Variants in LINGO2 observed in about 807,000 individuals in gnomAD.
The protein encoded by LINGO2 is leucine-rich repeat and immunoglobulin-like domain-containing nogo receptor-interacting protein 2.
Under a neutral mutation model 30.6 loss-of-function variants are expected in LINGO2, and 14 were observed. The ratio of observed to expected loss-of-function variants is 0.46; its 90% CI spans 0.30 to 0.72. LINGO2 has a LOEUF of 0.72. Ranked by LOEUF, LINGO2 falls within the 30% of genes least tolerant of loss-of-function variation. LINGO2 has a pLI of 0.07. For missense variants in LINGO2, 729 were observed against 751.7 expected (o/e 0.97, Z 0.35); for synonymous variants, 317 against 288.5 (o/e 1.10, Z -1.00).
chr9:28,634,570 C>T lies in LINGO2; in HGVS notation c.-365+35630G>A, dbSNP rs534733627. The stretch of plus-strand genomic sequence containing the variant: ...GCACAATCTCAGCTCACTGCAACCA[C>T]CGCCTTCCGAGTTCAAGCAATTCTC... On this transcript the variant is annotated intron_variant, in intron 1 of 5. Coordinates refer to ENST00000379992, the Ensembl canonical transcript of LINGO2. Among the ~76,000 whole-genome samples the T allele has an allele frequency of 1.4e-4, 21 of 150,614 alleles. No homozygotes were observed. In the South Asian group the frequency reaches 4.4e-3, roughly 32 times the overall value.
chr9:28,342,267 G>C (rs183567308), intron 3 of LINGO2, among the ~76,000 whole-genome samples: 3 of 152,132 alleles, frequency 2.0e-5, no homozygotes, highest in African/African-American at 7.2e-5. Flanking sequence ...ACTTGTCCTT[G>C]ATCTTTTAGT....
chr9:28,959,612 T>TCTCTCTCACACA, the LINGO2 span, among the ~76,000 whole-genome samples: 169 of 132,208 alleles, frequency 1.3e-3, 2 homozygotes, highest in Admixed American at 3.2e-3. Context: ...TCTCTCTCCC[T>TCTCTCTCACACA]CACACACACA....
chr9:29,012,137 C>T, the LINGO2 span, among the ~76,000 whole-genome samples: 3 of 152,046 alleles, frequency 2.0e-5, no homozygotes, highest in African/African-American at 7.2e-5. Context: ...GCAGGCAGAT[C>T]ACCTGAGGTC....
At chr9:28,369,320 C>T (rs1454706717) in intron 3 of LINGO2, among the ~76,000 whole-genome samples, 2 of 151,980 alleles carry the variant, frequency 1.3e-5, no homozygotes, top group Non-Finnish European at 2.9e-5. Context: ...ATTACTTTGT[C>T]CTTGGGGGGT....
chr9:29,089,039 G>T, the LINGO2 span, among the ~76,000 whole-genome samples: 1 of 151,922 alleles, frequency 6.6e-6, no homozygotes, highest in Non-Finnish European at 1.5e-5. Context: ...TTTATTATTG[G>T]AAGTAGTCTG....
rs560832027 is a variant in LINGO2 at position 28,634,328 on chromosome 9, A to T, written c.-365+35872T>A. ...AGCATTTAAATTTACTATAAGTTGC[A>T]TAAGTTCTCTAGAGGTCCATGCAGA... On this transcript the variant is annotated intron_variant, in intron 1 of 5. Coordinates refer to ENST00000379992, the Ensembl canonical transcript of LINGO2. Among the ~76,000 whole-genome samples the T allele has an allele frequency of 2.6e-5, 4 of 152,210 alleles. No homozygotes were observed. The East Asian group carries it at 7.7e-4, about 29-fold the overall frequency.
intron 2 of LINGO2, among the ~76,000 whole-genome samples, chr9:28,429,047 T>A (rs760098197): frequency 6.6e-6 from 1 of 152,214 alleles, no homozygotes; most frequent in Non-Finnish European, 1.5e-5. Flanking sequence ...TTTACTTACA[T>A]ACTTTTTTGA....
At chr9:28,505,996 C>T (rs1261372299) in intron 1 of LINGO2, among the ~76,000 whole-genome samples, 1 of 151,814 alleles carries the variant, frequency 6.6e-6, no homozygotes, top group African/African-American at 2.4e-5. Flanking sequence ...CTAGGTCCAG[C>T]AACTCAACTT....
intron 5 of LINGO2, among the ~76,000 whole-genome samples, chr9:28,007,303 T>A (rs1218494027): frequency 1.3e-5 from 2 of 151,638 alleles, no homozygotes; most frequent in Non-Finnish European, 2.9e-5. Flanking sequence ...CCCTGGAGAG[T>A]CATTTATAGA....
At chr9:28,389,255 T>C (rs578123372) in intron 2 of LINGO2, among the ~76,000 whole-genome samples, 1 of 152,208 alleles carries the variant, frequency 6.6e-6, no homozygotes, top group Admixed American at 6.5e-5. Context: ...ATTTATAAAA[T>C]TATATATTTT....
At chr9:28,727,176 CTT>C in the LINGO2 span, among the ~76,000 whole-genome samples, 408 of 152,278 alleles carry the variant, frequency 2.7e-3, 2 homozygotes, top group Non-Finnish European at 1.4e-3. Context: ...AAATTAGACT[CTT>C]AACCTTAGTT....
At chr9:28,559,212 C>G (rs1279239110) in intron 1 of LINGO2, among the ~76,000 whole-genome samples, 7 of 152,234 alleles carry the variant, frequency 4.6e-5, no homozygotes, top group Middle Eastern at 6.8e-3. Flanking sequence ...TACTAATACT[C>G]TCCAGAGAGG....
At chr9:29,033,484 A>G in the LINGO2 span, among the ~76,000 whole-genome samples, 1 of 151,374 alleles carries the variant, frequency 6.6e-6, no homozygotes, top group Non-Finnish European at 1.5e-5. Context: ...AAATAGTTTA[A>G]TAATTGTAAA....
At chr9:28,184,067 T>A (rs1342655546) in intron 4 of LINGO2, among the ~76,000 whole-genome samples, 1 of 152,086 alleles carries the variant, frequency 6.6e-6, no homozygotes, top group Non-Finnish European at 1.5e-5. Context: ...TTATTGACCA[T>A]CTTGTTGCTG....
chr9:28,708,494 T>C, the LINGO2 span, among the ~76,000 whole-genome samples: 1 of 152,094 alleles, frequency 6.6e-6, no homozygotes, highest in African/African-American at 2.4e-5. Context: ...TCAAGGCTGA[T>C]CAGTTGACTG....
chr9:28,991,485 C>A, the LINGO2 span, among the ~76,000 whole-genome samples: 2 of 144,154 alleles, frequency 1.4e-5, no homozygotes, highest in Non-Finnish European at 3.1e-5. Context: ...GCAAGGCAGG[C>A]CAATGTTCAG....
the LINGO2 span, among the ~76,000 whole-genome samples, chr9:28,888,267 A>G: frequency 6.6e-6 from 1 of 152,078 alleles, no homozygotes; most frequent in Non-Finnish European, 1.5e-5. Context: ...ATAAAGGATC[A>G]ACCTTATGTG....
intron 4 of LINGO2, among the ~76,000 whole-genome samples, chr9:28,244,211 A>C (rs950563997): frequency 9.2e-5 from 14 of 152,066 alleles, no homozygotes; most frequent in African/African-American, 3.1e-4. Flanking sequence ...TGAACAACCT[A>C]CTCCTGAATG....
rs1387493473 is a variant in LINGO2 at position 28,479,917 on chromosome 9, A to G, written c.-364-3892T>C. On this transcript the variant is annotated intron_variant, in intron 1 of 5. Coordinates refer to ENST00000379992, the Ensembl canonical transcript of LINGO2. Reference sequence around the variant, plus strand: ...TATGTGTATATATACGTAGGTATATATATATATATATATATATATATATAT... The same window carrying G: ...TATGTGTATATATACGTAGGTATATGTATATATATATATATATATATATAT... Among the ~76,000 whole-genome samples the G allele has an allele frequency of 1.6e-3, 83 of 53,408 alleles. 2 individuals carry two copies. Among genetic ancestry groups the G allele is most frequent in the Middle Eastern group, 9.4e-3 (1 of 106 alleles). 35.0% of individuals were successfully genotyped at this position (53,408 alleles called of 152,430 possible).
Sources: gnomAD v4.1 joint callset for allele counts (sites outside exome capture counted in the v4.1 genomes callset) on GRCh38, gnomAD v4.1.1 for gene constraint, MANE v1.5 for transcripts, NCBI Gene and HGNC (gene_info 2026-07-23, HGNC 2026-07-21) for gene names.